THSD7B: variants seen among roughly 807,000 people sequenced by gnomAD.
The protein encoded by THSD7B is thrombospondin type-1 domain-containing protein 7B.
THSD7B carries 138 observed loss-of-function variants against 213.6 expected under a neutral mutation model. The observed-to-expected ratio is 0.65, with a 90% CI of 0.56 to 0.74. The LOEUF is 0.74. Among genes scored for constraint, THSD7B ranks in the 30% least tolerant of loss-of-function variants. The pLI is 0.00. For missense variants in THSD7B, 1,931 were observed against 1,991.5 expected, an observed-to-expected ratio of 0.97 and a Z score of 0.58; for synonymous variants, 742 against 687.0, an observed-to-expected ratio of 1.08 and a Z score of -1.25.
intron 1 of THSD7B, among the ~76,000 whole-genome samples, chr2:136,805,153 T>A (rs188933066): frequency 6.6e-6 from 1 of 152,202 alleles, no homozygotes; most frequent in Non-Finnish European, 1.5e-5. Flanking sequence ...CAGAACCATA[T>A]AGACTGCATC....
At chr2:137,453,361 A>C in intron 15 of THSD7B, among the ~76,000 whole-genome samples, 1 of 109,372 alleles carries the variant, frequency 9.1e-6, no homozygotes, top group African/African-American at 3.6e-5. Context: ...ACAGAGTCTC[A>C]CTCTGTCTCC....
chr2:136,958,743 G>T (rs564420020), intron 2 of THSD7B, among the ~76,000 whole-genome samples: 1 of 152,278 alleles, frequency 6.6e-6, no homozygotes, highest in Non-Finnish European at 1.5e-5. Context: ...TTTACAGGAG[G>T]GAGGTTTCAG....
intron 5 of THSD7B, among the ~76,000 whole-genome samples, chr2:137,135,868 C>G (rs988905944): frequency 6.6e-6 from 1 of 151,864 alleles, no homozygotes; most frequent in African/African-American, 2.4e-5. Flanking sequence ...AACACCTTAG[C>G]AACATTTCTT....
chr2:136,898,783 C>T (rs942056296), intron 2 of THSD7B, among the ~76,000 whole-genome samples: 1 of 151,934 alleles, frequency 6.6e-6, no homozygotes, highest in Non-Finnish European at 1.5e-5. Flanking sequence ...GCTGGGACCA[C>T]AGGCGTGCAC....
At chr2:137,074,180 T>C (rs1687565566) in intron 3 of THSD7B, among the ~76,000 whole-genome samples, 2 of 151,708 alleles carry the variant, frequency 1.3e-5, no homozygotes, top group African/African-American at 4.9e-5. Flanking sequence ...ATGTTGACAG[T>C]GGGGTGTTAA....
At chr2:137,359,396 TA>T (rs1685203766) in intron 12 of THSD7B, among the ~76,000 whole-genome samples, 1 of 152,046 alleles carries the variant, frequency 6.6e-6, no homozygotes, top group South Asian at 2.1e-4. Flanking sequence ...AGAGTTAAAC[TA>T]GGCACAAAAG....
chr2:137,435,167 A>G (rs970050948), intron 14 of THSD7B, among the ~76,000 whole-genome samples: 1 of 152,206 alleles, frequency 6.6e-6, no homozygotes, highest in Non-Finnish European at 1.5e-5. Context: ...TTCCACTAAT[A>G]TCATTCCATT....
At chr2:136,926,977 C>G (rs964445056) in intron 2 of THSD7B, among the ~76,000 whole-genome samples, 1 of 152,154 alleles carries the variant, frequency 6.6e-6, no homozygotes, top group Non-Finnish European at 1.5e-5. Context: ...TTATAAAATA[C>G]AAACTTGTTT....
chr2:137,273,449 T>A (rs1682796960), intron 11 of THSD7B, among the ~76,000 whole-genome samples: 1 of 152,116 alleles, frequency 6.6e-6, no homozygotes, highest in Admixed American at 6.6e-5. Flanking sequence ...ATTCAATCTC[T>A]ATGGGGTTTT....
chr2:137,384,658 C>G (rs752880388), intron 12 of THSD7B, among the ~76,000 whole-genome samples: 8 of 152,180 alleles, frequency 5.3e-5, no homozygotes, highest in Non-Finnish European at 1.2e-4. Flanking sequence ...CCACTCCAAA[C>G]ATGGCATGGG....
intron 2 of THSD7B, among the ~76,000 whole-genome samples, chr2:136,948,485 C>T (rs992995973): frequency 6.6e-6 from 1 of 151,856 alleles, no homozygotes; most frequent in Admixed American, 6.6e-5. Context: ...CACATGCACA[C>T]ATACACACAC....
intron 4 of THSD7B, among the ~76,000 whole-genome samples, chr2:137,110,867 G>T (rs1283614760): frequency 1.3e-5 from 2 of 152,126 alleles, no homozygotes; most frequent in African/African-American, 2.4e-5. Flanking sequence ...GACATGTTTA[G>T]ATACACAAAT....
chr2:136,870,015 T>C (rs1348610303), intron 1 of THSD7B, among the ~76,000 whole-genome samples: 1 of 144,482 alleles, frequency 6.9e-6, no homozygotes, highest in African/African-American at 2.6e-5. Flanking sequence ...GATGTTGCAG[T>C]GAGCTGAGAT....
intron 1 of THSD7B, among the ~76,000 whole-genome samples, chr2:136,766,414 G>A (rs181731770): frequency 7.9e-5 from 12 of 151,974 alleles, no homozygotes; most frequent in Non-Finnish European, 1.3e-4. Flanking sequence ...GGGGCAGGGA[G>A]GGGGGGACAG....
chr2:136,798,916 A>T (rs1258652985), intron 1 of THSD7B, among the ~76,000 whole-genome samples: 1 of 151,954 alleles, frequency 6.6e-6, no homozygotes, highest in African/African-American at 2.4e-5. Context: ...CACATTCCCT[A>T]ACTTCCTCTA....
At chr2:136,848,426 A>G (rs1374991801) in intron 1 of THSD7B, among the ~76,000 whole-genome samples, 1 of 152,036 alleles carries the variant, frequency 6.6e-6, no homozygotes, top group Non-Finnish European at 1.5e-5. Flanking sequence ...TCCAGAGACC[A>G]CATTCTGACA....
At chr2:136,911,168 ATAC>A (rs1354517732) in intron 2 of THSD7B, among the ~76,000 whole-genome samples, 1 of 152,194 alleles carries the variant, frequency 6.6e-6, no homozygotes. Flanking sequence ...GCCAAGGCAC[ATAC>A]TACTATTTTC....
chr2:137,439,601 A>C (rs765520598), intron 14 of THSD7B, among the ~76,000 whole-genome samples: 2 of 152,116 alleles, frequency 1.3e-5, no homozygotes, highest in Non-Finnish European at 2.9e-5. Context: ...CAAATTCTCC[A>C]TTACCAGAGA....
chr2:136,970,466 AAAAC>A (rs890008416), intron 2 of THSD7B, among the ~76,000 whole-genome samples: 1 of 152,114 alleles, frequency 6.6e-6, no homozygotes, highest in Non-Finnish European at 1.5e-5. Flanking sequence ...CTGTCTCAAA[AAAAC>A]AAACAAACAA....
Sources: allele counts gnomAD v4.1 joint callset (sites outside exome capture counted in the v4.1 genomes callset), GRCh38; gene constraint gnomAD v4.1.1; transcripts MANE v1.5; gene names NCBI Gene and HGNC (gene_info 2026-07-23, HGNC 2026-07-21).